PDE3A: variants seen among roughly 807,000 people sequenced by gnomAD.
The protein encoded by PDE3A is phosphodiesterase 3A.
In PDE3A, 43 loss-of-function variants were observed where a neutral mutation model predicts 98.3. The ratio of observed to expected loss-of-function variants is 0.44; its 90% CI spans 0.34 to 0.56. PDE3A has a LOEUF of 0.56. PDE3A is among the 20% of genes least tolerant of loss of function. The probability of loss-of-function intolerance (pLI) is 0.01; values close to 1 mark genes in which losing one functional copy is unlikely to be tolerated. For missense variants in PDE3A, 1,427 were observed against 1,440.7 expected, an observed-to-expected ratio of 0.99 and a Z score of 0.15; for synonymous variants, 663 against 567.9, an observed-to-expected ratio of 1.17 and a Z score of -2.38.
chr12:20,486,237 T>TACC (rs1230844966), intron 1 of PDE3A, among the ~76,000 whole-genome samples: 1 of 152,118 alleles, frequency 6.6e-6, no homozygotes, highest in Non-Finnish European at 1.5e-5. Flanking sequence ...TCGGGAAACT[T>TACC]ACAATCATGG....
In PDE3A at chr12:20,392,760, C is replaced by T. The variant is rs74439261; in HGVS notation, c.960+22516C>T. On this transcript the variant is annotated intron_variant, in intron 1 of 15. Transcript: ENST00000359062. ...TATCAACAGATGAATAGATGCAGAA[C>T]ATGTGGTATATAAACACAATGGAAT... 4.7e-3 allele frequency among the ~76,000 whole-genome samples: 715 copies of T among 152,044 alleles called. 4 individuals are homozygous for T. The highest frequency in any genetic ancestry group is 6.3e-3 in the Non-Finnish European group (427 of 67,962).
intron 1 of PDE3A, among the ~76,000 whole-genome samples, chr12:20,431,696 T>C (rs972893857): frequency 1.3e-5 from 2 of 152,122 alleles, no homozygotes; most frequent in African/African-American, 4.8e-5. Flanking sequence ...CTATAGTATG[T>C]CTAAATTTTT....
At chr12:20,389,964 C>T (rs936428272) in intron 1 of PDE3A, among the ~76,000 whole-genome samples, 4 of 151,552 alleles carry the variant, frequency 2.6e-5, no homozygotes, top group South Asian at 4.1e-4. Context: ...CCAGTGTATT[C>T]GTAAAAGAAT....
intron 1 of PDE3A, among the ~76,000 whole-genome samples, chr12:20,387,617 G>A (rs1263332174): frequency 6.6e-6 from 1 of 151,878 alleles, no homozygotes; most frequent in Non-Finnish European, 1.5e-5. Context: ...CTTCTATTTT[G>A]TATCCATATT....
Position 20,507,017 on chromosome 12 carries a change from TA to T in PDE3A, c.961-49639del, listed in dbSNP as rs1946130745. 2.0e-5 allele frequency among the ~76,000 whole-genome samples: 3 copies of T among 152,246 alleles called. No homozygotes were observed. The South Asian group carries it at 6.2e-4, about 32-fold the overall frequency. On this transcript the variant is annotated intron_variant, in intron 1 of 15. Coordinates refer to ENST00000359062, the MANE Select transcript of PDE3A (RefSeq NM_000921.5). ...AGACTGTGTATATTTTTATTCTTTATAAAAGGTTATTAAATTTAGTTTTAAA... is the reference window on the plus strand; with the variant it reads ...AGACTGTGTATATTTTTATTCTTTATAAAGGTTATTAAATTTAGTTTTAAA...
In PDE3A at chr12:20,369,141, C is replaced by T; in HGVS notation, c.-144C>T. ...GCTGAAACTTTCAGTGGATTGTGGG[C>T]CTGGGGAGAAGAAGGATTCCGAGGG... On this transcript the variant is annotated 5_prime_UTR_variant, in exon 1 of 16. Coordinates refer to ENST00000359062, the MANE Select transcript of PDE3A (RefSeq NM_000921.5). 1 of 573,610 alleles carries T rather than the reference C, an allele frequency of 1.7e-6. No homozygotes were observed. The highest frequency in any genetic ancestry group is 3.0e-6 in the Non-Finnish European group (1 of 336,772). 35.5% of individuals were successfully genotyped at this position (573,610 alleles called of 1,614,324 possible).
intron 15 of PDE3A, among the ~76,000 whole-genome samples, chr12:20,672,665 G>T (rs1945517744): frequency 8.5e-6 from 1 of 117,868 alleles, no homozygotes; most frequent in Admixed American, 9.0e-5. Flanking sequence ...GCTGAAACTG[G>T]ATCCCTTCCT....
At chr12:20,511,393 C>T (rs972915091) in intron 1 of PDE3A, among the ~76,000 whole-genome samples, 3 of 147,678 alleles carry the variant, frequency 2.0e-5, no homozygotes, top group African/African-American at 7.5e-5. Context: ...TCTTTTAGTG[C>T]CCATAAATTA....
intron 2 of PDE3A, among the ~76,000 whole-genome samples, chr12:20,561,830 C>T (rs145982683): frequency 1.3e-5 from 2 of 152,178 alleles, no homozygotes; most frequent in Non-Finnish European, 2.9e-5. Context: ...TCTCTTCTAG[C>T]AAATTCCAAC....
At chr12:20,551,457 C>T (rs1592048093) in intron 1 of PDE3A, 2 of 620,238 alleles carry the variant, frequency 3.2e-6, no homozygotes, top group Admixed American at 3.0e-5. Flanking sequence ...AGCTCTTTCT[C>T]GATTCCGTGG....
At chr12:20,506,431 G>A (rs1946120260) in intron 1 of PDE3A, among the ~76,000 whole-genome samples, 1 of 151,960 alleles carries the variant, frequency 6.6e-6, no homozygotes, top group Non-Finnish European at 1.5e-5. Context: ...AGAGGCTGTG[G>A]TGTTGGGCAT....
intron 1 of PDE3A, among the ~76,000 whole-genome samples, chr12:20,417,719 G>C (rs1182143392): frequency 6.6e-6 from 1 of 152,084 alleles, no homozygotes; most frequent in Non-Finnish European, 1.5e-5. Context: ...AGGAATAATA[G>C]GTAAGATTTA....
intron 1 of PDE3A, among the ~76,000 whole-genome samples, chr12:20,386,560 C>T (rs1049039911): frequency 2.6e-5 from 4 of 151,522 alleles, no homozygotes; most frequent in Non-Finnish European, 5.9e-5. Flanking sequence ...AGACTGGTCT[C>T]CGTCTCCTGA....
chr12:20,543,115 T>C (rs1592039146), intron 1 of PDE3A, among the ~76,000 whole-genome samples: 1 of 152,090 alleles, frequency 6.6e-6, no homozygotes, highest in Admixed American at 6.6e-5. Flanking sequence ...GTTCATATAG[T>C]TAATAAAGTC....
intron 1 of PDE3A, among the ~76,000 whole-genome samples, chr12:20,467,055 C>T (rs1945351325): frequency 6.6e-6 from 1 of 151,958 alleles, no homozygotes; most frequent in Admixed American, 6.6e-5. Flanking sequence ...TTATATATGC[C>T]TTCCAAAGCT....
At chr12:20,589,187 G>C (rs569816417) in intron 2 of PDE3A, among the ~76,000 whole-genome samples, 102 of 152,096 alleles carry the variant, frequency 6.7e-4, no homozygotes, top group African/African-American at 2.4e-3. Context: ...GCCTCCCAAA[G>C]TGCTGGGATT....
chr12:20,641,808 T>C (rs1944652650), intron 10 of PDE3A, among the ~76,000 whole-genome samples: 1 of 152,190 alleles, frequency 6.6e-6, no homozygotes. Context: ...TAGTGGGTTC[T>C]TTATTCCAGG....
intron 1 of PDE3A, among the ~76,000 whole-genome samples, chr12:20,554,946 T>C (rs1942329048): frequency 1.3e-5 from 2 of 152,226 alleles, no homozygotes; most frequent in South Asian, 4.1e-4. Flanking sequence ...GCTAAACCAT[T>C]ATCCCCAAAT....
At chr12:20,555,740 TC>T (rs1942354018) in intron 1 of PDE3A, among the ~76,000 whole-genome samples, 1 of 152,224 alleles carries the variant, frequency 6.6e-6, no homozygotes, top group Non-Finnish European at 1.5e-5. Context: ...CTGTATGTCT[TC>T]AGTAAACTTT....
Sources: allele counts gnomAD v4.1 joint callset (sites outside exome capture counted in the v4.1 genomes callset), GRCh38; gene constraint gnomAD v4.1.1; transcripts MANE v1.5; gene names NCBI Gene and HGNC (gene_info 2026-07-23, HGNC 2026-07-21).